The following ID4 variants were observed in gnomAD, a reference collection of about 807,000 sequenced individuals.
ID4 encodes the protein DNA-binding protein inhibitor ID-4.
In ID4, 9 loss-of-function variants were observed where a neutral mutation model predicts 8.6. The observed-to-expected ratio is 1.04, with a 90% CI of 0.63 to 1.82. The LOEUF is 1.82. Among genes scored for constraint, ID4 ranks in the 40% most tolerant of loss-of-function variants. ID4 has a pLI of 0.00. For missense variants in ID4, 270 were observed against 235.1 expected, an observed-to-expected ratio of 1.15 and a Z score of -0.97; for synonymous variants, 180 against 118.0, an observed-to-expected ratio of 1.53 and a Z score of -3.41.
intron 1 of ID4, 52 bp from the exon 2 acceptor site, chr6:19,838,532 C>T (rs1039604776): frequency 9.9e-6 from 16 of 1,611,374 alleles, no homozygotes; most frequent in African/African-American, 2.7e-5. Flanking sequence ...CCGTGTCGAG[C>T]GCGTTGTTTG....
At position 19,839,417 on chromosome 6, in the gene ID4, C is replaced by G. The variant is rs947120686; in HGVS notation, c.*222C>G. The G allele has an allele frequency of 6.6e-6, 1 of 152,626 alleles. No individual in the cohort carries two copies. The highest frequency in any genetic ancestry group is 1.5e-5 in the Non-Finnish European group (1 of 68,044). 9.5% of individuals were successfully genotyped at this position (152,626 alleles called of 1,614,324 possible). A position where few individuals can be genotyped will look rare whatever the true frequency, so the allele number is the denominator to read the frequency against. On this transcript the variant is annotated 3_prime_UTR_variant, in exon 3 of 3. Transcript: ENST00000378700. ...CATAAACATTCTACATACGTATTCT[C>G]TTTTGTCTCTTCATTTATAACTGCT...
chr6:19,838,790 C>CT (rs1761290162), intron 2 of ID4, 148 bp downstream of exon 2: 10 of 650,946 alleles, frequency 1.5e-5, no homozygotes, highest in Admixed American at 2.6e-5. Flanking sequence ...TCCCTGCCAC[C>CT]TAAGTAGCAA....
In ID4 at chr6:19,841,140, C is replaced by T. The variant is rs1017855679; in HGVS notation, c.*1945C>T. Among the ~76,000 whole-genome samples, 7 of 152,180 alleles carry T rather than the reference C, an allele frequency of 4.6e-5. No individual in the cohort carries two copies. Among genetic ancestry groups the T allele is most frequent in the African/African-American group, 9.6e-5 (4 of 41,452 alleles). ...CAATCAAAATGTTTAAAAATTGATT[C>T]TGTCCTCAGCATGTTATTTCCTCAG... On this transcript the variant is annotated 3_prime_UTR_variant, in exon 3 of 3. Transcript: ENST00000378700.
intron 2 of ID4, chr6:19,838,985 C>T (rs1197212933): frequency 7.1e-6 from 2 of 282,808 alleles, no homozygotes; most frequent in African/African-American, 4.5e-5. Flanking sequence ...AGTCTGTCAC[C>T]CACAAAGGGG....
chr6:19,837,725 T>A lies in ID4; in HGVS notation c.-30T>A. 1 of 1,110,798 alleles carries A rather than the reference T, an allele frequency of 9.0e-7. No individual in the cohort carries two copies. The highest frequency in any genetic ancestry group is 1.1e-6 in the Non-Finnish European group (1 of 910,300). 68.8% of individuals were successfully genotyped at this position (1,110,798 alleles called of 1,614,324 possible). ...TGCCTCCCTCGCTCGCCCCAGCGGGTTCGCTCGCGTAGAGCGCAGGGCGCG... is the reference window on the plus strand; with the variant it reads ...TGCCTCCCTCGCTCGCCCCAGCGGGATCGCTCGCGTAGAGCGCAGGGCGCG... On this transcript the variant is annotated 5_prime_UTR_variant, in exon 1 of 3. Transcript: ENST00000378700.
Position 19,838,093 on chromosome 6 carries a change from C to T in ID4, c.339C>T (p.Ala113=), listed in dbSNP as rs751316002. 2 of 1,601,962 alleles carry T rather than the reference C, an allele frequency of 1.2e-6. No homozygotes were observed. The highest frequency in any genetic ancestry group is 2.3e-5 in the East Asian group (1 of 44,174). The change falls in exon 1 of 3, where the codon GCC becomes GCT. Residue 113 remains alanine, a synonymous_variant. Coordinates refer to ENST00000378700, the MANE Select transcript of ID4 (RefSeq NM_001546.4). ...DLQLALETHP[A]LLRQPPPPAP... ...AGCTGGCGCTGGAGACGCACCCGGC[C>T]CTGCTGAGGCAGCCACCACCGCCCG...
chr6:19,841,001 A>C lies in ID4; in HGVS notation c.*1806A>C, dbSNP rs555849438. ...GTATTATAGACCCAAGGGACTTCTT[A>C]TGAGGTCAAATTCAGATATTTATAT... On this transcript the variant is annotated 3_prime_UTR_variant, in exon 3 of 3. Coordinates refer to ENST00000378700, the MANE Select transcript of ID4 (RefSeq NM_001546.4). Among the ~76,000 whole-genome samples, 1 of 152,330 alleles carries C rather than the reference A, an allele frequency of 6.6e-6. No individual in the cohort carries two copies. The highest frequency in any genetic ancestry group is 2.4e-5 in the African/African-American group (1 of 41,582).
At position 19,838,209 on chromosome 6, in the gene ID4, CG is replaced by C; in HGVS notation, c.441+15del. ...AACACCGACCCGGTGAGAGGCCGGG[CG>C]CCGGCCGTGGGCGGACGCCGCGGGG... On this transcript the variant is annotated intron_variant, in intron 1 of 2. Coordinates refer to ENST00000378700, the MANE Select transcript of ID4 (RefSeq NM_001546.4). The C allele has an allele frequency of 7.4e-7, 1 of 1,346,372 alleles. No homozygotes were observed. Among genetic ancestry groups the C allele is most frequent in the Non-Finnish European group, 9.5e-7 (1 of 1,055,258 alleles). 83.4% of individuals were successfully genotyped at this position (1,346,372 alleles called of 1,614,324 possible).
At chr6:19,838,277 C>T in intron 1 of ID4, 82 bp downstream of exon 1, 3 of 1,234,748 alleles carry the variant, frequency 2.4e-6, no homozygotes, top group Non-Finnish European at 3.1e-6. Flanking sequence ...CGGGCGCTCA[C>T]CGTCCTCCGG....
At position 19,841,714 on chromosome 6, in the gene ID4, A is replaced by T. The variant is rs900664256; in HGVS notation, c.*2519A>T. On this transcript the variant is annotated 3_prime_UTR_variant, in exon 3 of 3. Coordinates refer to ENST00000378700, the MANE Select transcript of ID4 (RefSeq NM_001546.4). ...GAAACAAAGTCATTGTTTATTTTTT[A>T]AAAAATTATATGCAGTTGTACAAGA... Among the ~76,000 whole-genome samples the T allele has an allele frequency of 6.6e-5, 10 of 152,124 alleles. No homozygotes were observed. Among genetic ancestry groups the T allele is most frequent in the African/African-American group, 2.2e-4 (9 of 41,454 alleles).
At position 19,841,806 on chromosome 6, in the gene ID4, T is replaced by C. The variant is rs1761363966; in HGVS notation, c.*2611T>C. On this transcript the variant is annotated 3_prime_UTR_variant, in exon 3 of 3. Coordinates refer to ENST00000378700, the MANE Select transcript of ID4 (RefSeq NM_001546.4). ...AACCAGATAACAAAAACATTTTGAG[T>C]CTTTTATCTAGGTAGTTCTAATTAT... 6.6e-6 allele frequency among the ~76,000 whole-genome samples: 1 copy of C among 152,174 alleles called. No homozygotes were observed. The highest frequency in any genetic ancestry group is 2.1e-4 in the South Asian group (1 of 4,832).
chr6:19,839,326 T>C lies in ID4; in HGVS notation c.*131T>C, dbSNP rs1332635302. 1 of 152,720 alleles carries C rather than the reference T, an allele frequency of 6.5e-6. No homozygotes were observed. The highest frequency in any genetic ancestry group is 1.9e-4 in the East Asian group (1 of 5,194). The allele number at this position is 152,720 out of a possible 1,614,324, so 9.5% of individuals were successfully genotyped here. ...AAACATCGGCCAACCTAGAAACGTT[T>C]TCATTCGTCATTCCAAGAGAGAGAG... is the stretch of plus-strand genomic sequence containing the variant. On this transcript the variant is annotated 3_prime_UTR_variant, in exon 3 of 3. Transcript: ENST00000378700.
At chr6:19,838,537 T>C (rs779561976) in intron 1 of ID4, 47 bp from the exon 2 acceptor site, 7 of 1,613,350 alleles carry the variant, frequency 4.3e-6, no homozygotes, top group Non-Finnish European at 5.9e-6. Context: ...TCGAGCGCGT[T>C]GTTTGCGCCT....
At position 19,838,169 on chromosome 6, in the gene ID4, C is replaced by CGAG. The variant is rs1761266859; in HGVS notation, c.415_416insGAG (p.Pro139delinsArgAla). ...CTGTCCAGCCGCGCCGCCGCGGACCCCGCTCACTGCGCTCAACACCGACCC... is the reference window on the plus strand; with the variant it reads ...CTGTCCAGCCGCGCCGCCGCGGACCCGAGCGCTCACTGCGCTCAACACCGACCC... On this transcript the variant is annotated protein_altering_variant, in exon 1 of 3. Coordinates refer to ENST00000378700, the MANE Select transcript of ID4 (RefSeq NM_001546.4). 2 of 1,497,508 alleles carry CGAG rather than the reference C, an allele frequency of 1.3e-6. No individual in the cohort carries two copies. Among genetic ancestry groups the CGAG allele is most frequent in the Non-Finnish European group, 1.8e-6 (2 of 1,123,146 alleles). The allele number at this position is 1,497,508 out of a possible 1,614,324, so 92.8% of individuals were successfully genotyped here. A position where few individuals can be genotyped will look rare whatever the true frequency, so the allele number is the denominator to read the frequency against.
chr6:19,841,183 T>A lies in ID4; in HGVS notation c.*1988T>A, dbSNP rs1158356916. The stretch of plus-strand genomic sequence containing the variant: ...TTCCTCAGCTCTGATAATTTACTGG[T>A]CTTGAGTATTTTGAGAATTTGATGT... On this transcript the variant is annotated 3_prime_UTR_variant, in exon 3 of 3. Coordinates refer to ENST00000378700, the MANE Select transcript of ID4 (RefSeq NM_001546.4). Among the ~76,000 whole-genome samples the A allele has an allele frequency of 6.6e-6, 1 of 152,192 alleles. No homozygotes were observed. The highest frequency in any genetic ancestry group is 2.4e-5 in the African/African-American group (1 of 41,462).
In ID4 at chr6:19,837,735, TAGAGCGCAGGGC is replaced by T; in HGVS notation, c.-19_-8del. 8.9e-7 allele frequency: 1 copy of T among 1,118,832 alleles called. No individual in the cohort carries two copies. The highest frequency in any genetic ancestry group is 1.1e-6 in the Non-Finnish European group (1 of 915,866). The allele number at this position is 1,118,832 out of a possible 1,614,324, so 69.3% of individuals were successfully genotyped here. A position where few individuals can be genotyped will look rare whatever the true frequency, so the allele number is the denominator to read the frequency against. ...GCTCGCCCCAGCGGGTTCGCTCGCG[TAGAGCGCAGGGC>T]GCGCGCGATGAAGGCGGTGAGCCCG... is the stretch of plus-strand genomic sequence containing the variant. On this transcript the variant is annotated 5_prime_UTR_variant, in exon 1 of 3. Coordinates refer to ENST00000378700, the MANE Select transcript of ID4 (RefSeq NM_001546.4).
At position 19,841,143 on chromosome 6, in the gene ID4, T is replaced by A. The variant is rs1292435737; in HGVS notation, c.*1948T>A. 6.6e-6 allele frequency among the ~76,000 whole-genome samples: 1 copy of A among 152,214 alleles called. No individual in the cohort carries two copies. The highest frequency in any genetic ancestry group is 1.5e-5 in the Non-Finnish European group (1 of 68,022). On this transcript the variant is annotated 3_prime_UTR_variant, in exon 3 of 3. Transcript: ENST00000378700. ...TCAAAATGTTTAAAAATTGATTCTG[T>A]CCTCAGCATGTTATTTCCTCAGCTC... is the stretch of plus-strand genomic sequence containing the variant.
intron 2 of ID4, 79 bp downstream of exon 2, chr6:19,838,721 G>C (rs1761287568): frequency 7.8e-7 from 1 of 1,278,048 alleles, no homozygotes; most frequent in East Asian, 2.4e-5. Context: ...CAGGCACCGC[G>C]GTGTTCTTTG....
In ID4 at chr6:19,839,331, T is replaced by G. The variant is rs896472011; in HGVS notation, c.*136T>G. On this transcript the variant is annotated 3_prime_UTR_variant, in exon 3 of 3. Coordinates refer to ENST00000378700, the MANE Select transcript of ID4 (RefSeq NM_001546.4). ...TCGGCCAACCTAGAAACGTTTTCAT[T>G]CGTCATTCCAAGAGAGAGAGAGGAA... The G allele has an allele frequency of 6.5e-6, 1 of 152,704 alleles. No individual in the cohort carries two copies. The highest frequency in any genetic ancestry group is 1.5e-5 in the Non-Finnish European group (1 of 68,112). 9.5% of individuals were successfully genotyped at this position (152,704 alleles called of 1,614,324 possible).
Sources: allele counts gnomAD v4.1 joint callset (sites outside exome capture counted in the v4.1 genomes callset), GRCh38; gene constraint gnomAD v4.1.1; transcripts MANE v1.5; gene names NCBI Gene and HGNC (gene_info 2026-07-23, HGNC 2026-07-21).